Variants in CCR5AS observed in about 807,000 individuals in gnomAD.
CCR5AS encodes CCR5 antisense RNA.
chr3:46,372,912 C>A, intron 2 of CCR5AS: 1 of 1,583,590 alleles, frequency 6.3e-7, no homozygotes, highest in South Asian at 1.2e-5. Context: ...GATGGATTAT[C>A]AAGTGTCAAG....
intron 3 of CCR5AS, among the ~76,000 whole-genome samples, chr3:46,366,872 T>G (rs966677165): frequency 6.6e-6 from 1 of 152,162 alleles, no homozygotes; most frequent in African/African-American, 2.4e-5. Flanking sequence ...CTGCTAAAGG[T>G]GGCTCTAGGG....
intron 2 of CCR5AS, among the ~76,000 whole-genome samples, chr3:46,377,062 G>A (rs190533305): frequency 3.1e-4 from 47 of 152,288 alleles, no homozygotes; most frequent in Middle Eastern, 6.8e-3. Context: ...AAGGGGCCAT[G>A]GAGAAGGGAG....
At chr3:46,372,943 AT>A (rs758662716) in intron 2 of CCR5AS, 4 of 1,608,274 alleles carry the variant, frequency 2.5e-6, no homozygotes, top group African/African-American at 1.3e-5. Context: ...GACATCAATT[AT>A]TATACATCGG....
chr3:46,390,127 G>A (rs941453621), intron 2 of CCR5AS, among the ~76,000 whole-genome samples: 2 of 152,166 alleles, frequency 1.3e-5, no homozygotes, highest in Non-Finnish European at 2.9e-5. Flanking sequence ...AATGTGGGCT[G>A]TCCCTGAAGC....
chr3:46,395,539 G>A (rs905028531), intron 1 of CCR5AS, among the ~76,000 whole-genome samples: 3 of 152,202 alleles, frequency 2.0e-5, no homozygotes, highest in African/African-American at 7.2e-5. Flanking sequence ...ATGTTGCAGA[G>A]ACATAGAGTA....
chr3:46,369,151 A>C (rs1051551157), intron 3 of CCR5AS, among the ~76,000 whole-genome samples: 1 of 152,196 alleles, frequency 6.6e-6, no homozygotes, highest in Admixed American at 6.5e-5. Context: ...ACTTGTTATC[A>C]TTCCCTCTCC....
chr3:46,397,278 T>C (rs1395450283), intron 1 of CCR5AS, among the ~76,000 whole-genome samples: 1 of 152,232 alleles, frequency 6.6e-6, no homozygotes, highest in Non-Finnish European at 1.5e-5. Context: ...CCCTCTAGAA[T>C]GCCAGTGCCA....
intron 2 of CCR5AS, chr3:46,373,996 T>C (rs777009009): frequency 2.7e-6 from 4 of 1,484,180 alleles, no homozygotes; most frequent in Admixed American, 4.3e-5. Flanking sequence ...CCAGTCAGAG[T>C]TGTGCACATG....
intron 2 of CCR5AS, chr3:46,375,799 G>A (rs529519962): frequency 6.0e-6 from 1 of 167,024 alleles, no homozygotes; most frequent in Non-Finnish European, 1.5e-5. Context: ...CAAAGGGAGA[G>A]AGAGAGGTTT....
At chr3:46,380,648 G>A (rs1291895012) in intron 2 of CCR5AS, among the ~76,000 whole-genome samples, 1 of 152,230 alleles carries the variant, frequency 6.6e-6, no homozygotes, top group African/African-American at 2.4e-5. Flanking sequence ...GCACGCCAGC[G>A]ATGAGCCTTT....
At chr3:46,368,389 C>G (rs1701620897) in intron 3 of CCR5AS, among the ~76,000 whole-genome samples, 1 of 152,216 alleles carries the variant, frequency 6.6e-6, no homozygotes, top group Admixed American at 6.5e-5. Context: ...AAGCTGCTAG[C>G]TTGTTGTCAT....
intron 1 of CCR5AS, among the ~76,000 whole-genome samples, chr3:46,393,695 G>C (rs1701935983): frequency 6.6e-6 from 1 of 152,188 alleles, no homozygotes; most frequent in South Asian, 2.1e-4. Flanking sequence ...TATGCAGATA[G>C]GAGCCAGAGA....
intron 2 of CCR5AS, among the ~76,000 whole-genome samples, chr3:46,381,557 T>G (rs938820045): frequency 6.6e-6 from 1 of 152,218 alleles, no homozygotes; most frequent in Non-Finnish European, 1.5e-5. Flanking sequence ...CTTTTGAAAC[T>G]GCATACCGCT....
chr3:46,372,854 T>G, intron 2 of CCR5AS: 1 of 1,447,478 alleles, frequency 6.9e-7, no homozygotes, highest in Non-Finnish European at 9.4e-7. Flanking sequence ...AAATACATTC[T>G]AGGACTTTAT....
At chr3:46,375,772 TTTGGGTA>T (rs1261770643) in intron 2 of CCR5AS, 1 of 166,584 alleles carries the variant, frequency 6.0e-6, no homozygotes, top group Non-Finnish European at 1.5e-5. Flanking sequence ...CCCCTTAGTG[TTTGGGTA>T]TATTCATTTC....
intron 2 of CCR5AS, among the ~76,000 whole-genome samples, chr3:46,392,502 G>A (rs1014122424): frequency 6.6e-6 from 1 of 152,192 alleles, no homozygotes; most frequent in African/African-American, 2.4e-5. Flanking sequence ...GGGCTGTCAT[G>A]TGGGTTAGCA....
intron 1 of CCR5AS, chr3:46,406,783 T>A (rs948839928): frequency 6.5e-6 from 1 of 152,902 alleles, no homozygotes; most frequent in African/African-American, 2.4e-5. Context: ...CCTGGCCTTT[T>A]CCCAGCTGAC....
At chr3:46,365,564 A>G (rs972365956) in intron 3 of CCR5AS, among the ~76,000 whole-genome samples, 1 of 152,140 alleles carries the variant, frequency 6.6e-6, no homozygotes, top group South Asian at 2.1e-4. Flanking sequence ...TGAACTCACA[A>G]TCTCACCAAG....
At chr3:46,395,420 AG>A (rs1478414350) in intron 1 of CCR5AS, among the ~76,000 whole-genome samples, 3 of 152,114 alleles carry the variant, frequency 2.0e-5, no homozygotes, top group Non-Finnish European at 2.9e-5. Flanking sequence ...CAGGCAGCAA[AG>A]GGAGCCCTAA....
Sources: gnomAD v4.1 joint callset for allele counts (sites outside exome capture counted in the v4.1 genomes callset) on GRCh38, gnomAD v4.1.1 for gene constraint, MANE v1.5 for transcripts, NCBI Gene and HGNC (gene_info 2026-07-23, HGNC 2026-07-21) for gene names.